PALM: variants seen among roughly 807,000 people sequenced by gnomAD.
The protein encoded by PALM is paralemmin.
Under a neutral mutation model 30.7 loss-of-function variants are expected in PALM, and 18 were observed. That is an observed-to-expected ratio of 0.59 (90% CI 0.41 to 0.87). The LOEUF (loss-of-function observed/expected upper bound fraction) is 0.87, where lower values mean the gene tolerates loss of function less well. PALM is among the 40% of genes least tolerant of loss of function. The probability of loss-of-function intolerance (pLI) is 0.00; values close to 1 mark genes in which losing one functional copy is unlikely to be tolerated. For synonymous variants in PALM, 286 were observed against 242.8 expected (o/e 1.18, Z -1.66); for missense variants, 529 against 555.4 (o/e 0.95, Z 0.48).
intron 1 of PALM, among the ~76,000 whole-genome samples, chr19:717,753 G>A (rs1261040854): frequency 4.6e-5 from 7 of 151,978 alleles, no homozygotes; most frequent in Admixed American, 1.3e-4. Flanking sequence ...AGAGGGGGCC[G>A]GGATTGGGGG....
intron 4 of PALM, 61 bp downstream of exon 4, chr19:727,755 G>A (rs1413486337): frequency 4.8e-6 from 7 of 1,453,608 alleles, no homozygotes; most frequent in East Asian, 5.0e-5. Flanking sequence ...GCTGGCTCCC[G>A]GGAGGGTGTG....
chr19:736,984 C>G (rs538078801), intron 7 of PALM, among the ~76,000 whole-genome samples: 1 of 152,196 alleles, frequency 6.6e-6, no homozygotes, highest in Non-Finnish European at 1.5e-5. Context: ...ACCTGGGAGG[C>G]GGAGTTTGTA....
At chr19:725,940 G>A (rs2032645454) in intron 1 of PALM, among the ~76,000 whole-genome samples, 198 bp from the exon 2 acceptor site, 3 of 152,184 alleles carry the variant, frequency 2.0e-5, no homozygotes, top group Non-Finnish European at 4.4e-5. Flanking sequence ...GCAGAGCCTC[G>A]TCCCCTCCTG....
At chr19:731,301 G>A in intron 5 of PALM, 56 bp downstream of exon 5, 1 of 1,468,656 alleles carries the variant, frequency 6.8e-7, no homozygotes, top group Non-Finnish European at 9.2e-7. Flanking sequence ...GCTGGCCCCA[G>A]AGCGAGGCCC....
Position 746,522 on chromosome 19 carries a change from A to G in PALM, c.872A>G (p.Gln291Arg), listed in dbSNP as rs2033347224. The G allele has an allele frequency of 6.2e-7, 1 of 1,612,802 alleles. No homozygotes were observed. The highest frequency in any genetic ancestry group is 1.1e-5 in the South Asian group (1 of 91,084). ...GCCACGTCCGGCCCGCCGGGGATCC[A>G]GCCCGGCCAGGAGCCCCCGGTCACA... ...GEATSGPPGI[Q>R]PGQEPPVTMI... Residue 291 changes from glutamine to arginine, a missense_variant, in exon 9 of 9, where the codon CAG becomes CGG. Gln to Arg is a conservative substitution (Grantham distance 43). Coordinates refer to ENST00000338448, the MANE Select transcript of PALM (RefSeq NM_002579.3). The surrounding 1 kb of genome is among the most constrained non-coding windows in gnomAD (Gnocchi z 7.1).
intron 1 of PALM, among the ~76,000 whole-genome samples, chr19:710,864 G>T (rs1001749273): frequency 6.6e-6 from 1 of 152,216 alleles, no homozygotes; most frequent in Non-Finnish European, 1.5e-5. Context: ...TCTCTCCCCG[G>T]TTCCCGGGCT....
At chr19:716,477 A>G (rs1599136322) in intron 1 of PALM, among the ~76,000 whole-genome samples, 1 of 151,694 alleles carries the variant, frequency 6.6e-6, no homozygotes, top group East Asian at 1.9e-4. Flanking sequence ...GAGGCGCTGC[A>G]TGGTCAACAG....
In PALM at chr19:727,570, G is replaced by T. The variant is rs2032727908; in HGVS notation, c.145G>T (p.Ala49Ser). The T allele has an allele frequency of 1.3e-6, 2 of 1,587,782 alleles. No homozygotes were observed. The highest frequency in any genetic ancestry group is 2.3e-5 in the East Asian group (1 of 43,552). ...RRQLQHLKSK[A>S]LRERWLLEGT... The stretch of plus-strand genomic sequence containing the variant: ...CTGGATCCCTGCTGCTCAGTCCAAG[G>T]CACTGCGGGAGCGCTGGCTGCTGGA... Residue 49 changes from alanine to serine, a missense_variant, in exon 4 of 9, where the codon GCA (alanine) becomes TCA (serine). Transcript: ENST00000338448.
chr19:709,634 C>T lies in PALM; in HGVS notation c.5+483C>T, dbSNP rs535280976. 2.6e-5 allele frequency among the ~76,000 whole-genome samples: 4 copies of T among 152,202 alleles called. No homozygotes were observed. The highest frequency in any genetic ancestry group is 6.8e-3 in the Middle Eastern group (2 of 292). On this transcript the variant is annotated intron_variant, in intron 1 of 8. Coordinates refer to ENST00000338448, the MANE Select transcript of PALM (RefSeq NM_002579.3). The surrounding 1 kb of genome is among the most constrained non-coding windows in gnomAD (Gnocchi z 4.3). The stretch of plus-strand genomic sequence containing the variant: ...GACGCGCGCGCGGGCCGGTGCCCCC[C>T]ACCCCCGCCCTTCCCAAGGGCCTCC...
At chr19:732,834 A>C (rs1191706080) in intron 5 of PALM, among the ~76,000 whole-genome samples, 1 of 151,948 alleles carries the variant, frequency 6.6e-6, no homozygotes, top group South Asian at 2.1e-4. Flanking sequence ...GGAATCCCCA[A>C]GGAAGTGCCT....
intron 7 of PALM, chr19:736,282 C>G (rs968308549): frequency 5.9e-5 from 31 of 521,550 alleles, no homozygotes; most frequent in Admixed American, 4.3e-4. Context: ...TGCCCTGGTC[C>G]CACGCCGGCC....
Position 742,465 on chromosome 19 carries a change from C to T in PALM, c.634+1982C>T, listed in dbSNP as rs746373107. Reference sequence around the variant, plus strand: ...GCTAAAAATACAAAAATTAGCTGGACGTGGTGGCGGACGCCTGTAATCCCA... The same window carrying T: ...GCTAAAAATACAAAAATTAGCTGGATGTGGTGGCGGACGCCTGTAATCCCA... On this transcript the variant is annotated intron_variant, in intron 8 of 8. Coordinates refer to ENST00000338448, the MANE Select transcript of PALM (RefSeq NM_002579.3). This position sits in a 1 kb window ranked among gnomAD's most constrained non-coding sequence, Gnocchi z 5.5. Among the ~76,000 whole-genome samples, 55 of 152,076 alleles carry T rather than the reference C, an allele frequency of 3.6e-4. No homozygotes were observed. The highest frequency in any genetic ancestry group is 7.1e-4 in the Non-Finnish European group (48 of 68,020).
rs117341337 is a variant in PALM at position 716,627 on chromosome 19, C to G, written c.5+7476C>G. Among the ~76,000 whole-genome samples, 347 of 152,034 alleles carry G rather than the reference C, an allele frequency of 2.3e-3. 2 individuals are homozygous for G. The highest frequency in any genetic ancestry group is 8.1e-3 in the African/African-American group (334 of 41,458). On this transcript the variant is annotated intron_variant, in intron 1 of 8. Coordinates refer to ENST00000338448, the MANE Select transcript of PALM (RefSeq NM_002579.3). ...TTCTTCAGTAACCCCTGTCAGGGAG[C>G]GAGAAGCTGATGTCCTCATCAGTTT...
intron 1 of PALM, among the ~76,000 whole-genome samples, chr19:718,221 G>A (rs1212929174): frequency 1.3e-5 from 2 of 152,212 alleles, no homozygotes; most frequent in Non-Finnish European, 2.9e-5. Flanking sequence ...AGTGATCCGG[G>A]TGGTGACAGC....
chr19:734,325 C>T (rs969091237), intron 6 of PALM, 131 bp downstream of exon 6: 23 of 818,920 alleles, frequency 2.8e-5, no homozygotes, highest in African/African-American at 1.9e-4. Flanking sequence ...TTTGGGAGGC[C>T]GAGGCGGGTA....
chr19:729,985 T>TGGAGG (rs1568227272), intron 4 of PALM, among the ~76,000 whole-genome samples: 1 of 152,218 alleles, frequency 6.6e-6, no homozygotes, highest in African/African-American at 2.4e-5. Flanking sequence ...GGCCCCTCGA[T>TGGAGG]GGAGGGTGAA....
chr19:735,955 T>TG lies in PALM; in HGVS notation c.443-58dup, dbSNP rs1390903432. The TG allele has an allele frequency of 5.0e-6, 7 of 1,403,140 alleles. No homozygotes were observed. In the East Asian group the frequency reaches 7.1e-5, roughly 14 times the overall value. The allele number at this position is 1,403,140 out of a possible 1,614,324, so 86.9% of individuals were successfully genotyped here. ...TTCTGTGAAGGGGCGTTGGGCTGTC[T>TG]GGGGGGTCCATGTGACCTCTCCTCT... On this transcript the variant is annotated intron_variant, in intron 6 of 8. Coordinates refer to ENST00000338448, the MANE Select transcript of PALM (RefSeq NM_002579.3).
chr19:734,362 C>G (rs888563205), intron 6 of PALM, 168 bp downstream of exon 6: 7 of 622,222 alleles, frequency 1.1e-5, no homozygotes, highest in African/African-American at 1.1e-4. Flanking sequence ...GAGTTCGAGA[C>G]CAGCCTGACC....
In PALM at chr19:727,044, C is replaced by T. The variant is rs1230363949; in HGVS notation, c.94C>T (p.Arg32Cys). The change falls in exon 3 of 9, where the codon CGC becomes TGC. Residue 32 changes from arginine to cysteine, a missense_variant. Transcript: ENST00000338448. ...GCGGCAGGCGGAGATCGAGAACAAG[C>T]GCCGGCAGCTGGAGGACGAGCGGAG... ...RKRQAEIENKRRQLEDERRQL... is the reference protein window; with the variant it reads ...RKRQAEIENKCRQLEDERRQL... The T allele has an allele frequency of 3.9e-6, 6 of 1,535,242 alleles. No individual in the cohort carries two copies. The highest frequency in any genetic ancestry group is 5.3e-6 in the Non-Finnish European group (6 of 1,137,970).
Sources: allele counts gnomAD v4.1 joint callset (sites outside exome capture counted in the v4.1 genomes callset), GRCh38; gene constraint gnomAD v4.1.1; non-coding constraint Gnocchi (gnomAD v3.1); transcripts MANE v1.5; gene names NCBI Gene and HGNC (gene_info 2026-07-23, HGNC 2026-07-21).